Variants in SIK3 observed in about 807,000 individuals in gnomAD.
The protein encoded by SIK3 is serine/threonine-protein kinase SIK3.
In SIK3, 28 loss-of-function variants were observed where a neutral mutation model predicts 144.2. That is an observed-to-expected ratio of 0.19 (90% CI 0.14 to 0.27). The LOEUF (loss-of-function observed/expected upper bound fraction) is 0.27. Ranked by LOEUF, SIK3 falls within the 10% of genes least tolerant of loss-of-function variation. The pLI, the probability that SIK3 is intolerant of heterozygous loss-of-function variation, is 1.00. For missense variants in SIK3, 1,319 were observed against 1,776.0 expected, an observed-to-expected ratio of 0.74 and a Z score of 4.62; for synonymous variants, 686 against 676.3, an observed-to-expected ratio of 1.01 and a Z score of -0.22.
At chr11:117,093,194 C>T (rs1181187426) in intron 1 of SIK3, among the ~76,000 whole-genome samples, 1 of 152,144 alleles carries the variant, frequency 6.6e-6, no homozygotes, top group African/African-American at 2.4e-5. Flanking sequence ...TCCTACTTAC[C>T]AAATGAATCT....
chr11:117,053,709 C>T (rs1174458917), intron 1 of SIK3, among the ~76,000 whole-genome samples: 1 of 150,822 alleles, frequency 6.6e-6, no homozygotes, highest in South Asian at 2.1e-4. Context: ...GGCTGGAGCA[C>T]AATCATGGCT....
intron 4 of SIK3, 58 bp downstream of exon 4, chr11:116,927,161 T>C (rs978834785): frequency 6.1e-6 from 8 of 1,321,194 alleles, no homozygotes; most frequent in Non-Finnish European, 8.4e-6. Context: ...CCCTTGCTTA[T>C]AGAACCCCAA....
chr11:116,986,219 G>A (rs1280414527), intron 1 of SIK3, among the ~76,000 whole-genome samples: 1 of 152,166 alleles, frequency 6.6e-6, no homozygotes, highest in African/African-American at 2.4e-5. Flanking sequence ...TGCAGAAAAA[G>A]GAAAGAACAC....
At chr11:117,014,619 C>T (rs866380212) in intron 1 of SIK3, among the ~76,000 whole-genome samples, 23 of 152,062 alleles carry the variant, frequency 1.5e-4, no homozygotes, top group African/African-American at 4.3e-4. Flanking sequence ...AGGGAACTAC[C>T]GGCCAGGTAT....
intron 1 of SIK3, among the ~76,000 whole-genome samples, chr11:117,052,196 TAATAC>T (rs1240642185): frequency 6.6e-6 from 1 of 152,154 alleles, no homozygotes; most frequent in Non-Finnish European, 1.5e-5. Context: ...TGGAGAATCC[TAATAC>T]AAGTCCAGAA....
chr11:116,992,318 C>A (rs922869745), intron 1 of SIK3, among the ~76,000 whole-genome samples: 4 of 121,578 alleles, frequency 3.3e-5, no homozygotes, highest in South Asian at 2.8e-4. Flanking sequence ...GAGCAAGACC[C>A]CCCCCCCCAA....
chr11:117,011,096 G>A (rs545475569), intron 1 of SIK3, among the ~76,000 whole-genome samples: 10 of 152,268 alleles, frequency 6.6e-5, no homozygotes, highest in African/African-American at 2.4e-4. Flanking sequence ...CTACAGCCTG[G>A]GGGACAGCGT....
At chr11:117,049,398 T>A (rs1051746761) in intron 1 of SIK3, among the ~76,000 whole-genome samples, 5 of 150,512 alleles carry the variant, frequency 3.3e-5, no homozygotes, top group African/African-American at 1.2e-4. Flanking sequence ...GCCAACACAG[T>A]GAAACACCAT....
intron 3 of SIK3, among the ~76,000 whole-genome samples, chr11:116,928,322 A>G (rs1461485685): frequency 6.6e-6 from 1 of 152,224 alleles, no homozygotes; most frequent in Non-Finnish European, 1.5e-5. Flanking sequence ...GGGATTAGAA[A>G]TGTCAGCTAT....
chr11:117,014,995 T>C (rs1591538615), intron 1 of SIK3, among the ~76,000 whole-genome samples: 2 of 152,230 alleles, frequency 1.3e-5, no homozygotes, highest in African/African-American at 2.4e-5. Context: ...GCCCAGGAAG[T>C]TGAGGCTGTA....
chr11:117,027,588 G>C (rs564161486), intron 1 of SIK3, among the ~76,000 whole-genome samples: 1 of 151,904 alleles, frequency 6.6e-6, no homozygotes, highest in Non-Finnish European at 1.5e-5. Context: ...TCAGCCTCCC[G>C]AGTAGCTGGG....
At chr11:116,946,725 C>G (rs1948609935) in intron 3 of SIK3, among the ~76,000 whole-genome samples, 1 of 152,198 alleles carries the variant, frequency 6.6e-6, no homozygotes, top group African/African-American at 2.4e-5. Context: ...AAACTACTGT[C>G]TTCTCCCTTC....
intron 1 of SIK3, among the ~76,000 whole-genome samples, chr11:116,978,058 A>C (rs550246923): frequency 1.3e-5 from 2 of 152,236 alleles, no homozygotes; most frequent in South Asian, 4.1e-4. Flanking sequence ...CTCTACTAAA[A>C]TTACAAAAAC....
rs1461076295 is a variant in SIK3, at chr11:116,915,119, C to CAT, written c.616+12098_616+12099dup. 1.0e-4 allele frequency among the ~76,000 whole-genome samples: 10 copies of CAT among 99,306 alleles called. No individual in the cohort carries two copies. The South Asian group carries it at 1.2e-3, about 12-fold the overall frequency. 65.1% of individuals were successfully genotyped at this position (99,306 alleles called of 152,430 possible). ...TGATATATCATGTTTAGTAGGAAGC[C>CAT]ATATATGTGTGTGTGTGTGTGTGTG... is the stretch of plus-strand genomic sequence containing the variant. On this transcript the variant is annotated intron_variant, in intron 4 of 24. Transcript: ENST00000445177.
chr11:117,012,756 T>A (rs575113388), intron 1 of SIK3, among the ~76,000 whole-genome samples: 3 of 151,912 alleles, frequency 2.0e-5, no homozygotes, highest in Non-Finnish European at 4.4e-5. Context: ...GATCTCTCAA[T>A]TGGGCACTTA....
chr11:116,907,972 T>A (rs1946133103), intron 4 of SIK3, among the ~76,000 whole-genome samples: 1 of 139,314 alleles, frequency 7.2e-6, no homozygotes, highest in African/African-American at 2.6e-5. Flanking sequence ...AAGGTAAAAC[T>A]ATCACGTTTT....
Position 116,849,227 on chromosome 11 carries a change from G to A in SIK3, c.3712C>T (p.Pro1238Ser). The change falls in exon 22 of 25, where the codon CCG becomes TCG. Residue 1238 changes from proline (P) to serine (S), a missense_variant. Physicochemically the swap from Pro to Ser is moderately conservative, Grantham distance 74 (BLOSUM62 -1). Around this residue, in one of 8 missense-constraint regions of SIK3, gnomAD observed 646 missense variants for 763.7 expected, o/e 0.85. Coordinates refer to ENST00000445177, the MANE Select transcript of SIK3 (RefSeq NM_001366686.3). This position sits in a 1 kb window ranked among gnomAD's most constrained non-coding sequence, Gnocchi z 4.2. Reference protein sequence around the residue: ...RSSPGQAVELPDHNGLGYPAR... With the variant: ...RSSPGQAVELSDHNGLGYPAR... Reference sequence around the variant, plus strand: ...GGGTACCCGAGCCCATTGTGATCCGGCAGCTCCACTGCTTGTCCTGGAGAA... The same window carrying A: ...GGGTACCCGAGCCCATTGTGATCCGACAGCTCCACTGCTTGTCCTGGAGAA... 6.2e-7 allele frequency: 1 copy of A among 1,614,188 alleles called. No individual in the cohort carries two copies. Among genetic ancestry groups the A allele is most frequent in the Non-Finnish European group, 8.5e-7 (1 of 1,180,028 alleles).
intron 3 of SIK3, among the ~76,000 whole-genome samples, chr11:116,952,912 C>T (rs1220941347): frequency 6.6e-6 from 1 of 152,086 alleles, no homozygotes; most frequent in Non-Finnish European, 1.5e-5. Flanking sequence ...ATAAAGTATC[C>T]CCTCCCATAC....
chr11:116,999,542 C>A (rs1565541818), intron 1 of SIK3, among the ~76,000 whole-genome samples: 1 of 152,102 alleles, frequency 6.6e-6, no homozygotes, highest in Admixed American at 6.5e-5. Flanking sequence ...TGTGAGATCT[C>A]TTTTCATTTT....
Sources: gnomAD v4.1 joint callset for allele counts (sites outside exome capture counted in the v4.1 genomes callset) on GRCh38, gnomAD v4.1.1 for gene constraint, gnomAD v4.1.1 regional missense constraint, Gnocchi (gnomAD v3.1) non-coding constraint, MANE v1.5 for transcripts, NCBI Gene and HGNC (gene_info 2026-07-23, HGNC 2026-07-21) for gene names.